Variants in SAMD12 observed in about 807,000 individuals in gnomAD.
SAMD12 encodes the protein sterile alpha motif domain-containing protein 12.
A neutral mutation model predicts 15.0 loss-of-function variants in SAMD12; 9 were observed. That is an observed-to-expected ratio of 0.60 (90% confidence interval 0.36 to 1.05). The LOEUF (loss-of-function observed/expected upper bound fraction) is 1.05, where lower values mean the gene tolerates loss of function less well. SAMD12 is among the 50% of genes least tolerant of loss of function. SAMD12 has a pLI of 0.01. For synonymous variants in SAMD12, 86 were observed against 90.1 expected, an observed-to-expected ratio of 0.96 and a Z score of 0.25; for missense variants, 230 against 234.2, an observed-to-expected ratio of 0.98 and a Z score of 0.12.
At chr8:118,186,126 A>G (rs368821649), downstream of SAMD12, among the ~76,000 whole-genome samples, 4 of 152,198 alleles carry the variant, frequency 2.6e-5, no homozygotes, top group East Asian at 7.7e-4. Context: ...AGAGCCTTTA[A>G]TGTGCTAATA....
intron 4 of SAMD12, among the ~76,000 whole-genome samples, chr8:118,318,809 TCAAA>T (rs1476118490): frequency 3.3e-5 from 5 of 152,108 alleles, no homozygotes; most frequent in African/African-American, 4.8e-5. Flanking sequence ...CAAGGGACCC[TCAAA>T]CAAGGTGACA....
At position 118,405,951 on chromosome 8, in the gene SAMD12, C is replaced by T. The variant is rs189646329; in HGVS notation, c.323-26251G>A. Reference sequence around the variant, plus strand: ...CAGATAACAAGAAAAATATTGTTTACTTTTTTTTGGTTTTCTCTCTATGGC... The same window carrying T: ...CAGATAACAAGAAAAATATTGTTTATTTTTTTTTGGTTTTCTCTCTATGGC... On this transcript the variant is annotated intron_variant, in intron 3 of 3. Coordinates refer to ENST00000314727, the MANE Select transcript of SAMD12 (RefSeq NM_207506.3). Among the ~76,000 whole-genome samples, 843 of 151,938 alleles carry T rather than the reference C, an allele frequency of 5.5e-3. 15 individuals carry two copies. The highest frequency in any genetic ancestry group is 0.019 in the South Asian group (93 of 4,814).
chr8:118,178,744 G>A, the SAMD12 span, among the ~76,000 whole-genome samples: 2 of 152,182 alleles, frequency 1.3e-5, no homozygotes, highest in Non-Finnish European at 1.5e-5. Flanking sequence ...GGTTTTACAG[G>A]CATGAGCCAC....
chr8:118,384,201 G>A (rs1819826271), intron 3 of SAMD12, among the ~76,000 whole-genome samples: 1 of 152,128 alleles, frequency 6.6e-6, no homozygotes, highest in Non-Finnish European at 1.5e-5. Context: ...TAAGAGAATG[G>A]TCAGAAATTA....
Position 118,222,671 on chromosome 8 carries a change from A to T in SAMD12, c.434-24939T>A, listed in dbSNP as rs111920711. Among the ~76,000 whole-genome samples, 502 of 151,830 alleles carry T rather than the reference A, an allele frequency of 3.3e-3. 4 individuals carry two copies. The highest frequency in any genetic ancestry group is 0.012 in the African/African-American group (480 of 41,386). ...CAGGTGTGTGCCATCATGCCAGGCT[A>T]ATTTTGTATTTTTAATAGAGACGGG... is the stretch of plus-strand genomic sequence containing the variant. On this transcript the variant is annotated intron_variant, in intron 4 of 4. Coordinates refer to the SAMD12 transcript ENST00000409003.
chr8:118,211,684 T>A (rs1811829140), intron 4 of SAMD12, among the ~76,000 whole-genome samples: 1 of 139,132 alleles, frequency 7.2e-6, no homozygotes, highest in Admixed American at 7.0e-5. Context: ...ACAAGTAAGC[T>A]TTTTTTTTTC....
At chr8:118,441,657 T>C (rs1335699138) in intron 2 of SAMD12, among the ~76,000 whole-genome samples, 1 of 152,176 alleles carries the variant, frequency 6.6e-6, no homozygotes, top group Non-Finnish European at 1.5e-5. Flanking sequence ...TATACATACA[T>C]ATGTATCTGC....
intron 3 of SAMD12, among the ~76,000 whole-genome samples, chr8:118,389,052 T>A (rs963222273): frequency 6.6e-6 from 1 of 152,182 alleles, no homozygotes; most frequent in African/African-American, 2.4e-5. Context: ...ACCAAGAGAA[T>A]CTTGACTTAA....
At chr8:118,133,879 CTCTCCTCTCCAAAT>C in the SAMD12 span, among the ~76,000 whole-genome samples, 1 of 152,284 alleles carries the variant, frequency 6.6e-6, no homozygotes, top group South Asian at 2.1e-4. Context: ...AAAGTAGTCC[CTCTCCTCTCCAAAT>C]TAATGTAATT....
chr8:118,353,729 C>T (rs760439186), intron 4 of SAMD12, among the ~76,000 whole-genome samples: 11 of 152,062 alleles, frequency 7.2e-5, no homozygotes, highest in East Asian at 1.9e-4. Flanking sequence ...ACCCCTCCCT[C>T]GCTATCCATT....
At chr8:118,524,326 C>T (rs192149635) in intron 2 of SAMD12, among the ~76,000 whole-genome samples, 109 of 152,270 alleles carry the variant, frequency 7.2e-4, no homozygotes, top group South Asian at 6.2e-3. Flanking sequence ...ATTCCACCAT[C>T]GCTCCTTCTA....
intron 4 of SAMD12, among the ~76,000 whole-genome samples, chr8:118,217,848 C>A (rs1811999028): frequency 6.6e-6 from 1 of 152,170 alleles, no homozygotes; most frequent in Non-Finnish European, 1.5e-5. Flanking sequence ...CCCGATTTTT[C>A]TTAGTGCCTT....
At chr8:118,275,866 T>A (rs1055305254) in intron 4 of SAMD12, among the ~76,000 whole-genome samples, 7 of 152,236 alleles carry the variant, frequency 4.6e-5, no homozygotes, top group Admixed American at 4.6e-4. Context: ...GCTACATCCA[T>A]GTTGCTGCAA....
chr8:118,194,959 A>G (rs1279153773), exon 5 of SAMD12: 1 of 152,238 alleles, frequency 6.6e-6, no homozygotes, highest in Non-Finnish European at 1.5e-5. Context: ...GGAAAAGAAT[A>G]GTAGTTCATA....
At chr8:118,588,520 A>G (rs771595970) in intron 1 of SAMD12, among the ~76,000 whole-genome samples, 25 of 152,248 alleles carry the variant, frequency 1.6e-4, no homozygotes, top group Non-Finnish European at 3.7e-4. Flanking sequence ...ATGTCCATAA[A>G]GTGTTACTGG....
rs566195390 is a variant in SAMD12 at position 118,490,766 on chromosome 8, TTC to T, written c.193-50807_193-50806del. ...AGAAGAAAATGGGCATACACCAGTT[TTC>T]TCCTAGAGAAGGCCTCCAGAAATTG... On this transcript the variant is annotated intron_variant, in intron 2 of 3. Transcript: ENST00000314727. 8.8e-4 allele frequency among the ~76,000 whole-genome samples: 134 copies of T among 152,258 alleles called. 5 individuals are homozygous for T. Among genetic ancestry groups the T allele is most frequent in the Admixed American group, 8.0e-3 (123 of 15,302 alleles).
At chr8:118,255,085 C>T (rs1168862882) in intron 4 of SAMD12, among the ~76,000 whole-genome samples, 1 of 151,998 alleles carries the variant, frequency 6.6e-6, no homozygotes, top group Non-Finnish European at 1.5e-5. Context: ...ACTTTCAAAT[C>T]CATAGCTTAA....
intron 2 of SAMD12, among the ~76,000 whole-genome samples, chr8:118,553,311 A>G (rs1826408979): frequency 6.6e-6 from 1 of 152,302 alleles, no homozygotes; most frequent in Admixed American, 6.5e-5. Flanking sequence ...CCAAAACAGC[A>G]TGGTACTGGT....
chr8:118,375,470 T>TA (rs1322567009), downstream of SAMD12, among the ~76,000 whole-genome samples: 71 of 152,308 alleles, frequency 4.7e-4, 2 homozygotes, highest in Non-Finnish European at 5.9e-5. Context: ...GAAGATGTTA[T>TA]AAAAATAAGG....
Sources: gnomAD v4.1 joint callset for allele counts (sites outside exome capture counted in the v4.1 genomes callset) on GRCh38, gnomAD v4.1.1 for gene constraint, MANE v1.5 for transcripts, NCBI Gene and HGNC (gene_info 2026-07-23, HGNC 2026-07-21) for gene names.